ERICH1: variants seen among roughly 807,000 people sequenced by gnomAD.
ERICH1 encodes glutamate-rich protein 1.
A neutral mutation model predicts 39.6 loss-of-function variants in ERICH1; 56 were observed. The ratio of observed to expected loss-of-function variants is 1.41; its 90% confidence interval spans 1.14 to 1.77. The LOEUF (loss-of-function observed/expected upper bound fraction) is 1.77. Among genes scored for constraint, ERICH1 ranks in the 40% most tolerant of loss-of-function variants. The pLI, the probability that ERICH1 is intolerant of heterozygous loss-of-function variation, is 0.00. For missense variants in ERICH1, 826 were observed against 575.4 expected, an observed-to-expected ratio of 1.44 and a Z score of -4.45; for synonymous variants, 313 against 223.6, an observed-to-expected ratio of 1.40 and a Z score of -3.57.
intron 1 of ERICH1, among the ~76,000 whole-genome samples, chr8:726,909 TAC>T (rs1399370009): frequency 6.8e-6 from 1 of 147,442 alleles, no homozygotes; most frequent in Non-Finnish European, 1.5e-5. Flanking sequence ...GACATGCATG[TAC>T]ACACAGACCA....
rs528944886 is a variant in ERICH1, at chr8:634,512, C to T, written c.977-19228G>A. Among the ~76,000 whole-genome samples the T allele has an allele frequency of 4.6e-5, 7 of 152,364 alleles. No individual in the cohort carries two copies. In the South Asian group the frequency reaches 1.4e-3, roughly 32 times the overall value. On this transcript the variant is annotated intron_variant, in intron 3 of 3. Coordinates refer to the ERICH1 transcript ENST00000522706. ...ACAGGGTCTCGAGGATACGTCTGCA[C>T]ACCCATGCTCAGGGCGGCCCCGTCG...
intron 3 of ERICH1, among the ~76,000 whole-genome samples, chr8:652,795 G>A (rs540900566): frequency 8.5e-5 from 13 of 152,258 alleles, no homozygotes; most frequent in African/African-American, 2.4e-4. Flanking sequence ...GCACGGGACC[G>A]GAATGGAAAT....
At chr8:664,712 A>G (rs1420126787) in intron 5 of ERICH1, 36 bp from the exon 6 acceptor site, 1 of 1,521,748 alleles carries the variant, frequency 6.6e-7, no homozygotes, top group Non-Finnish European at 9.0e-7. Flanking sequence ...AAAATAAAAC[A>G]AAGACAAAAA....
chr8:707,144 A>G lies in ERICH1; in HGVS notation c.169+8717T>C, dbSNP rs76281232. ...ACAGACATGGGATGGACATACATCA[A>G]TGGAATAGAATTGAGAGTCCAGAAA... is the stretch of plus-strand genomic sequence containing the variant. On this transcript the variant is annotated intron_variant, in intron 2 of 5. Transcript: ENST00000262109. 5.1e-3 allele frequency among the ~76,000 whole-genome samples: 778 copies of G among 152,172 alleles called. 9 individuals are homozygous for G. Among genetic ancestry groups the G allele is most frequent in the African/African-American group, 0.018 (742 of 41,524 alleles).
intron 3 of ERICH1, 127 bp from the exon 4 acceptor site, chr8:674,174 G>C: frequency 9.0e-7 from 1 of 1,108,552 alleles, no homozygotes; most frequent in East Asian, 2.5e-5. Flanking sequence ...TATTTACTTC[G>C]GTGATTCTCA....
chr8:670,690 T>G (rs779130626), intron 4 of ERICH1, among the ~76,000 whole-genome samples: 4 of 152,154 alleles, frequency 2.6e-5, no homozygotes, highest in Non-Finnish European at 5.9e-5. Flanking sequence ...ACCCACAGCT[T>G]CAGAATTGGG....
intron 3 of ERICH1, among the ~76,000 whole-genome samples, chr8:658,038 T>G (rs1243103904): frequency 2.0e-5 from 3 of 152,182 alleles, no homozygotes; most frequent in Non-Finnish European, 4.4e-5. Context: ...GGACCATGTT[T>G]GAGAGAGAGG....
chr8:624,028 A>C (rs1320625110), intron 3 of ERICH1, among the ~76,000 whole-genome samples: 4 of 152,250 alleles, frequency 2.6e-5, no homozygotes, highest in Non-Finnish European at 5.9e-5. Context: ...TATCCAAAAT[A>C]AATAAATAAC....
At chr8:639,591 C>T (rs1307909422) in intron 3 of ERICH1, among the ~76,000 whole-genome samples, 1 of 151,180 alleles carries the variant, frequency 6.6e-6, no homozygotes, top group East Asian at 1.9e-4. Context: ...CAGACACGAC[C>T]AAGCACCCTG....
rs781305846 is a variant in ERICH1, at chr8:664,627, GA to G, written c.1307del (p.Ile436ThrfsTer29). On this transcript the variant is annotated frameshift_variant, in exon 6 of 6. Transcript: ENST00000262109. LOFTEE classifies it high-confidence loss of function. ...SAFFSYWITH[I>X]LPEKSSD Reference sequence around the variant, plus strand: ...TTTAGTCACTGCTCTTCTCAGGAAGGATATGTGTGATCCAGTAACTAAAGAA... The same window carrying G: ...TTTAGTCACTGCTCTTCTCAGGAAGGTATGTGTGATCCAGTAACTAAAGAA... 3 of 1,612,898 alleles carry G rather than the reference GA, an allele frequency of 1.9e-6. No individual in the cohort carries two copies. The South Asian group carries it at 3.3e-5, about 18-fold the overall frequency.
At chr8:729,373 G>A (rs1025058903) in intron 1 of ERICH1, among the ~76,000 whole-genome samples, 1 of 152,260 alleles carries the variant, frequency 6.6e-6, no homozygotes, top group South Asian at 2.1e-4. Flanking sequence ...AAGGGGACAC[G>A]CCAAGCTCCA....
At chr8:664,116 A>T, downstream of ERICH1, 1 of 514,348 alleles carries the variant, frequency 1.9e-6, no homozygotes, top group Non-Finnish European at 2.5e-6. Flanking sequence ...TCTATGACAG[A>T]AAAGAAAATC....
chr8:671,749 T>C (rs1328306630), intron 4 of ERICH1: 1 of 131,896 alleles, frequency 7.6e-6, no homozygotes, highest in Non-Finnish European at 1.5e-5. Context: ...CTCACTGGGC[T>C]CCAGGCTGAG....
At chr8:711,375 C>G (rs1197357545) in intron 2 of ERICH1, among the ~76,000 whole-genome samples, 1 of 152,124 alleles carries the variant, frequency 6.6e-6, no homozygotes, top group Non-Finnish European at 1.5e-5. Flanking sequence ...TCAATTCTTT[C>G]TTTGATTGAT....
At chr8:711,700 T>C (rs1166745300) in intron 2 of ERICH1, among the ~76,000 whole-genome samples, 1 of 152,166 alleles carries the variant, frequency 6.6e-6, no homozygotes, top group African/African-American at 2.4e-5. Context: ...GGTTTCACCA[T>C]GTTAGCCAGG....
At chr8:662,504 C>A (rs1801574060), downstream of ERICH1, among the ~76,000 whole-genome samples, 1 of 151,990 alleles carries the variant, frequency 6.6e-6, no homozygotes, top group Admixed American at 6.6e-5. Flanking sequence ...CAAAATTAGT[C>A]ATGTGTGGTG....
chr8:673,574 G>C lies in ERICH1; in HGVS notation c.778C>G (p.Pro260Ala). Residue 260 changes from proline to alanine, a missense_variant, in exon 4 of 6, where the codon CCG (proline) becomes GCG (alanine). Pro to Ala is a conservative substitution (Grantham distance 27). Coordinates refer to ENST00000262109, the MANE Select transcript of ERICH1 (RefSeq NM_207332.3). ...TCTTTAACGTCTTCCTCCCCGGCCG[G>C]TGTCGGATCTTCCTCACTGGCGTCC... ...GADASEEDPT[P>A]AGEEDVKDAR... 3 of 1,547,446 alleles carry C rather than the reference G, an allele frequency of 1.9e-6. No homozygotes were observed. Among genetic ancestry groups the C allele is most frequent in the Non-Finnish European group, 1.8e-6 (2 of 1,131,016 alleles).
intron 2 of ERICH1, among the ~76,000 whole-genome samples, chr8:703,604 G>A (rs1192162773): frequency 6.6e-6 from 1 of 152,226 alleles, no homozygotes; most frequent in Non-Finnish European, 1.5e-5. Context: ...AGATAAACAG[G>A]GAGGGAGAGC....
At chr8:650,876 G>GT (rs1799860638) in intron 3 of ERICH1, among the ~76,000 whole-genome samples, 1 of 152,238 alleles carries the variant, frequency 6.6e-6, no homozygotes, top group Non-Finnish European at 1.5e-5. Context: ...GCCCTGGAGT[G>GT]TGTTATCCCA....
Sources: gnomAD v4.1 joint callset for allele counts (sites outside exome capture counted in the v4.1 genomes callset) on GRCh38, gnomAD v4.1.1 for gene constraint, MANE v1.5 for transcripts, NCBI Gene and HGNC (gene_info 2026-07-23, HGNC 2026-07-21) for gene names.